The following SLC7A9 variants were observed in gnomAD, a reference collection of about 807,000 sequenced individuals.
SLC7A9 encodes solute carrier family 7 member 9, also known as B(0,+)-type amino acid transporter 1.
A neutral mutation model predicts 54.1 loss-of-function variants in SLC7A9; 38 were observed. That is an observed-to-expected ratio of 0.70 (90% confidence interval 0.54 to 0.92). SLC7A9 has a LOEUF of 0.92. SLC7A9 is among the 40% of genes least tolerant of loss of function. SLC7A9 has a pLI of 0.00. For synonymous variants in SLC7A9, 264 were observed against 258.9 expected, an observed-to-expected ratio of 1.02 and a Z score of -0.19; for missense variants, 537 against 636.1, an observed-to-expected ratio of 0.84 and a Z score of 1.68.
intron 9 of SLC7A9, 37 bp downstream of exon 9, chr19:32,858,403 C>G: frequency 1.4e-6 from 2 of 1,443,848 alleles, no homozygotes; most frequent in South Asian, 2.3e-5. Flanking sequence ...TTTCGCCGCC[C>G]CTGTCCACCC....
intron 9 of SLC7A9, among the ~76,000 whole-genome samples, chr19:32,848,887 A>G (rs1459678293): frequency 2.0e-5 from 3 of 152,218 alleles, no homozygotes; most frequent in African/African-American, 7.2e-5. Context: ...ATCTCACTCA[A>G]AACAGCTCAA....
intron 11 of SLC7A9, among the ~76,000 whole-genome samples, chr19:32,841,880 C>T (rs112248078): frequency 2.0e-5 from 3 of 152,164 alleles, no homozygotes; most frequent in African/African-American, 7.2e-5. Flanking sequence ...GCACTCCAGC[C>T]CAGGCGACAA....
At chr19:32,832,418 C>G (rs1260680772) in intron 12 of SLC7A9, among the ~76,000 whole-genome samples, 2 of 151,834 alleles carry the variant, frequency 1.3e-5, no homozygotes. Flanking sequence ...AAAACCTCAT[C>G]TGTACTAAAA....
chr19:32,858,258 T>TC (rs1202535467), intron 9 of SLC7A9, among the ~76,000 whole-genome samples, 182 bp downstream of exon 9: 1 of 152,134 alleles, frequency 6.6e-6, no homozygotes, highest in Non-Finnish European at 1.5e-5. Flanking sequence ...ATCCATGCCT[T>TC]CCTGGCCAGT....
intron 8 of SLC7A9, 86 bp from the exon 9 acceptor site, chr19:32,858,629 G>C: frequency 8.2e-6 from 8 of 971,272 alleles, no homozygotes; most frequent in Non-Finnish European, 1.3e-5. Flanking sequence ...GGCCTCCCAG[G>C]GGACCCAGGG....
chr19:32,861,545 C>G (rs1315730154), intron 6 of SLC7A9, among the ~76,000 whole-genome samples: 2 of 152,174 alleles, frequency 1.3e-5, no homozygotes, highest in Non-Finnish European at 1.5e-5. Context: ...GGCGCAGTGG[C>G]TCACGCCTGT....
chr19:32,850,685 T>C (rs1045609333), intron 9 of SLC7A9, among the ~76,000 whole-genome samples: 2 of 152,050 alleles, frequency 1.3e-5, no homozygotes, highest in East Asian at 3.9e-4. Context: ...CTAAAGTTCA[T>C]ATGAAACCAA....
At position 32,852,803 on chromosome 19, in the gene SLC7A9, G is replaced by A. The variant is rs143314977; in HGVS notation, c.977+5637C>T. ...GAATGCAAGCAGTACTTTTGGAACCGGACAAAATAATTCTAAGTGTATAGG... is the reference window on the plus strand; with the variant it reads ...GAATGCAAGCAGTACTTTTGGAACCAGACAAAATAATTCTAAGTGTATAGG... On this transcript the variant is annotated intron_variant, in intron 9 of 12. Transcript: ENST00000023064. 4.9e-3 allele frequency among the ~76,000 whole-genome samples: 740 copies of A among 152,028 alleles called. 7 individuals are homozygous for A. The highest frequency in any genetic ancestry group is 0.017 in the African/African-American group (697 of 41,494).
At position 32,862,670 on chromosome 19, in the gene SLC7A9, T is replaced by TA. The variant is rs548307459; in HGVS notation, c.479-85_479-84insT. 24 of 1,015,942 alleles carry TA rather than the reference T, an allele frequency of 2.4e-5. No homozygotes were observed. In the East Asian group the frequency reaches 3.4e-4, roughly 15 times the overall value. 62.9% of individuals were successfully genotyped at this position (1,015,942 alleles called of 1,614,324 possible). A position where few individuals can be genotyped will look rare whatever the true frequency, so the allele number is the denominator to read the frequency against. On this transcript the variant is annotated intron_variant, in intron 4 of 12. Coordinates refer to ENST00000023064, the MANE Select transcript of SLC7A9 (RefSeq NM_014270.5). ...CTCCTTTCTTTTATATATTTTTTAT[T>TA]TTTTTTTTTTTTTGAGATGGAGTCT...
rs1967852461 is a variant in SLC7A9 at position 32,833,084 on chromosome 19, C to G, written c.1399+65G>C. On this transcript the variant is annotated intron_variant, in intron 12 of 12. Transcript: ENST00000023064. ...TGTGACAGAGGTCTTGGAGTCAGGA[C>G]AGGTGAGGACGCCGTGCCTGCCTGC... The G allele has an allele frequency of 4.1e-6, 6 of 1,465,288 alleles. No individual in the cohort carries two copies. The East Asian group carries it at 6.8e-5, about 17-fold the overall frequency. The allele number at this position is 1,465,288 out of a possible 1,614,324, so 90.8% of individuals were successfully genotyped here.
chr19:32,852,522 C>T (rs534227523), intron 9 of SLC7A9, among the ~76,000 whole-genome samples: 1 of 152,102 alleles, frequency 6.6e-6, no homozygotes, highest in East Asian at 1.9e-4. Flanking sequence ...TAAATCAAGA[C>T]TTGATATCAT....
intron 1 of SLC7A9, among the ~76,000 whole-genome samples, chr19:32,869,053 CAAAA>C (rs5827824): frequency 3.7e-5 from 4 of 108,670 alleles, no homozygotes; most frequent in African/African-American, 6.5e-5. Flanking sequence ...ACTAAAAATG[CAAAA>C]AAAAAAAAAA....
chr19:32,842,886 T>C (rs1968169283), intron 10 of SLC7A9, among the ~76,000 whole-genome samples: 1 of 152,136 alleles, frequency 6.6e-6, no homozygotes, highest in African/African-American at 2.4e-5. Context: ...TATACCAGCT[T>C]CATAATTAAG....
chr19:32,837,158 AC>A (rs1226645291), intron 11 of SLC7A9, among the ~76,000 whole-genome samples: 2 of 151,804 alleles, frequency 1.3e-5, no homozygotes, highest in Non-Finnish European at 2.9e-5. Flanking sequence ...CTATGGAAGA[AC>A]CCCCCAGGCC....
chr19:32,833,971 T>G (rs1328596697), intron 11 of SLC7A9, among the ~76,000 whole-genome samples: 2 of 152,188 alleles, frequency 1.3e-5, no homozygotes, highest in African/African-American at 4.8e-5. Context: ...TATTCTGAAT[T>G]GCAGTTCATA....
Position 32,864,169 on chromosome 19 carries a change from A to T in SLC7A9, c.405T>A (p.Tyr135Ter). The change falls in exon 4 of 13, where the codon TAT (tyrosine) becomes TAA (stop). Residue 135 changes from tyrosine to a stop codon, truncating the protein, a stop_gained. Coordinates refer to ENST00000023064, the MANE Select transcript of SLC7A9 (RefSeq NM_014270.5). LOFTEE classifies it high-confidence loss of function. ...AGCCCACATAGAAGGGCGCACACACATACTCGGAGAAGCTGAGGCAGATGA... is the reference window on the plus strand; with the variant it reads ...AGCCCACATAGAAGGGCGCACACACTTACTCGGAGAAGCTGAGGCAGATGA... ...FAIICLSFSEYVCAPFYVGCK... is the reference protein window; with the variant it reads ...FAIICLSFSE The T allele has an allele frequency of 1.2e-6, 2 of 1,614,210 alleles. No homozygotes were observed. Among genetic ancestry groups the T allele is most frequent in the Non-Finnish European group, 1.7e-6 (2 of 1,180,014 alleles).
chr19:32,835,889 C>CTGTG (rs1212868987), intron 11 of SLC7A9, among the ~76,000 whole-genome samples: 199 of 140,864 alleles, frequency 1.4e-3, no homozygotes, highest in African/African-American at 4.7e-3. Context: ...AATTTATGTA[C>CTGTG]TGTGTGTGTG....
chr19:32,830,641 TG>T lies in SLC7A9; in HGVS notation c.1442del (p.Pro481HisfsTer14). ...MHLQMLMEVV[P>X]PEEDPE The stretch of plus-strand genomic sequence containing the variant: ...CTTGTTACTCAGGGTCTTCCTCCGG[TG>T]GGACCACTTCCATTAGCATCTGAAG... On this transcript the variant is annotated frameshift_variant, in exon 13 of 13. Transcript: ENST00000023064. LOFTEE classifies it high-confidence loss of function. 1 of 1,614,084 alleles carries T rather than the reference TG, an allele frequency of 6.2e-7. No individual in the cohort carries two copies. The highest frequency in any genetic ancestry group is 8.5e-7 in the Non-Finnish European group (1 of 1,179,904).
chr19:32,845,419 T>C (rs1306063495), intron 9 of SLC7A9, among the ~76,000 whole-genome samples: 1 of 151,774 alleles, frequency 6.6e-6, no homozygotes, highest in African/African-American at 2.4e-5. Flanking sequence ...CACTTGAACC[T>C]GGGAAGCGGA....
Sources: gnomAD v4.1 joint callset for allele counts (sites outside exome capture counted in the v4.1 genomes callset) on GRCh38, gnomAD v4.1.1 for gene constraint, MANE v1.5 for transcripts, NCBI Gene and HGNC (gene_info 2026-07-23, HGNC 2026-07-21) for gene names.